SGCE: variants seen among roughly 807,000 people sequenced by gnomAD.
SGCE encodes the protein sarcoglycan epsilon.
SGCE carries 26 observed loss-of-function variants against 57.8 expected under a neutral mutation model. The ratio of observed to expected loss-of-function variants is 0.45; its 90% confidence interval spans 0.33 to 0.62. The LOEUF (loss-of-function observed/expected upper bound fraction) is 0.62. SGCE is among the 20% of genes least tolerant of loss of function. SGCE has a pLI of 0.02. For missense variants in SGCE, 468 were observed against 548.6 expected (o/e 0.85, Z 1.47); for synonymous variants, 183 against 189.5 (o/e 0.97, Z 0.28).
chr7:94,598,960 G>A lies in SGCE; in HGVS notation c.1068C>T (p.Ile356=). The A allele has an allele frequency of 6.2e-7, 1 of 1,612,612 alleles. No individual in the cohort carries two copies. The highest frequency in any genetic ancestry group is 1.1e-5 in the South Asian group (1 of 91,020). The change falls in exon 9 of 11, where the codon ATC becomes ATT. Residue 356 remains isoleucine, a synonymous_variant. Coordinates refer to ENST00000648936, the MANE Select transcript of SGCE (RefSeq NM_003919.3). ...GAATAGCACTGTGATGGACCAGTTG[G>A]ATGCTAGGTCAAAAAGAAATAAAAC... ...VEKRNMQTPD[I]QLVHHSAIQK...
chr7:94,623,072 G>A (rs1016587934), intron 4 of SGCE, among the ~76,000 whole-genome samples: 6 of 152,040 alleles, frequency 3.9e-5, no homozygotes, highest in Admixed American at 6.6e-5. Context: ...CCCATTTTAA[G>A]GTAATGAAAA....
chr7:94,645,185 A>G (rs1454421424), intron 1 of SGCE, among the ~76,000 whole-genome samples: 2 of 152,204 alleles, frequency 1.3e-5, no homozygotes, highest in East Asian at 3.8e-4. Flanking sequence ...TTGCTTAATA[A>G]TGGAGATACT....
intron 3 of SGCE, chr7:94,626,323 G>A (rs557305077): frequency 1.3e-5 from 2 of 151,992 alleles, no homozygotes; most frequent in Non-Finnish European, 2.9e-5. Flanking sequence ...AAATATTTAG[G>A]TCTTACTTAA....
At chr7:94,655,867 T>C (rs1483685880) in intron 1 of SGCE, 123 bp downstream of exon 1, 1 of 681,690 alleles carries the variant, frequency 1.5e-6, no homozygotes. Flanking sequence ...TACGGTGGGG[T>C]CCGGGACAGA....
intron 3 of SGCE, chr7:94,623,946 T>C (rs1181190099): frequency 2.7e-6 from 1 of 374,492 alleles, no homozygotes; most frequent in Non-Finnish European, 4.7e-6. Context: ...CCATGAAGCT[T>C]ATGGAACATG....
At chr7:94,632,272 T>C (rs1804834625) in intron 1 of SGCE, among the ~76,000 whole-genome samples, 1 of 151,974 alleles carries the variant, frequency 6.6e-6, no homozygotes, top group Non-Finnish European at 1.5e-5. Context: ...GGTCCTGAAG[T>C]GGAACCATTA....
chr7:94,595,653 T>A (rs928197408), intron 9 of SGCE, among the ~76,000 whole-genome samples: 4 of 152,142 alleles, frequency 2.6e-5, no homozygotes, highest in Non-Finnish European at 5.9e-5. Context: ...AATATTTGTG[T>A]GTGTCTACTC....
chr7:94,605,105 A>T (rs1799915840), intron 5 of SGCE, among the ~76,000 whole-genome samples: 1 of 151,918 alleles, frequency 6.6e-6, no homozygotes, highest in African/African-American at 2.4e-5. Flanking sequence ...CAAGAAAAAA[A>T]TTATAAAACA....
intron 10 of SGCE, chr7:94,587,030 TAACTA>T: frequency 1.0e-6 from 1 of 984,174 alleles, no homozygotes; most frequent in Non-Finnish European, 1.2e-6. Context: ...GCTCTAGTGT[TAACTA>T]AAAAGGAGAG....
At chr7:94,596,114 A>G (rs1375394142) in intron 9 of SGCE, among the ~76,000 whole-genome samples, 1 of 152,130 alleles carries the variant, frequency 6.6e-6, no homozygotes, top group Non-Finnish European at 1.5e-5. Context: ...TGCAAGTTCA[A>G]TATAATAGCC....
intron 1 of SGCE, 143 bp from the exon 2 acceptor site, chr7:94,629,984 T>A: frequency 1.1e-6 from 1 of 884,152 alleles, no homozygotes; most frequent in South Asian, 1.7e-5. Context: ...AGGAAACTGT[T>A]AATAACAATT....
chr7:94,608,511 A>G (rs1263634193), intron 5 of SGCE, among the ~76,000 whole-genome samples: 3 of 152,242 alleles, frequency 2.0e-5, no homozygotes, highest in Non-Finnish European at 2.9e-5. Flanking sequence ...AATTAATTAT[A>G]GATTCAATGT....
chr7:94,599,055 CT>C lies in SGCE; in HGVS notation c.1065-93del, dbSNP rs372266675. Reference sequence around the variant, plus strand: ...TGAAAAACTTATGAAGTATTTTTATCTTTTAAAATAATAAGACATTATGGCA... The same window carrying C: ...TGAAAAACTTATGAAGTATTTTTATCTTTAAAATAATAAGACATTATGGCA... On this transcript the variant is annotated intron_variant, in intron 8 of 10. Coordinates refer to ENST00000648936, the MANE Select transcript of SGCE (RefSeq NM_003919.3). The C allele has an allele frequency of 4.5e-3, 4,196 of 931,888 alleles. 29 individuals are homozygous for C. Among genetic ancestry groups the C allele is most frequent in the South Asian group, 8.6e-3 (547 of 63,284 alleles). The allele number at this position is 931,888 out of a possible 1,614,324, so 57.7% of individuals were successfully genotyped here.
Position 94,588,733 on chromosome 7 carries a change from C to T in SGCE, c.1254-1G>A. 6.2e-7 allele frequency: 1 copy of T among 1,612,992 alleles called. No homozygotes were observed. The highest frequency in any genetic ancestry group is 8.5e-7 in the Non-Finnish European group (1 of 1,179,184). ...AATCTGAGTCTGATGTGGCAAGTTC[C>T]TAGAAATGATGAACATTTTTGAGTA... On this transcript the variant is annotated splice_acceptor_variant, in intron 9 of 10. Coordinates refer to ENST00000648936, the MANE Select transcript of SGCE (RefSeq NM_003919.3). LOFTEE classifies it high-confidence loss of function.
intron 5 of SGCE, among the ~76,000 whole-genome samples, chr7:94,609,833 A>G (rs531302231): frequency 6.6e-6 from 1 of 152,314 alleles, no homozygotes; most frequent in Admixed American, 6.5e-5. Context: ...CTTTTACCAT[A>G]TGATCCAGCT....
rs1386682017 is a variant in SGCE, at chr7:94,656,068, C to T, written c.31G>A (p.Asp11Asn). ...CCCTGTCCCGTCCAAGCACAGGGGT[C>T]TCCCAGCTCCCACCACCGGGGCAAT... MQLPRWWELG[D>N]PCAWTGQGRG... Residue 11 changes from aspartate (D) to asparagine (N), a missense_variant, in exon 1 of 11, where the codon GAC becomes AAC. Physicochemically the swap from Asp to Asn is conservative, Grantham distance 23 (BLOSUM62 1). Transcript: ENST00000648936. 4 of 1,612,266 alleles carry T rather than the reference C, an allele frequency of 2.5e-6. No individual in the cohort carries two copies. The highest frequency in any genetic ancestry group is 1.1e-5 in the South Asian group (1 of 91,048).
At chr7:94,618,521 A>G (rs1022000405) in intron 5 of SGCE, 2 of 487,168 alleles carry the variant, frequency 4.1e-6, no homozygotes, top group African/African-American at 2.0e-5. Flanking sequence ...GCTATAATTT[A>G]TGATGCTGAT....
rs1253449584 is a variant in SGCE at position 94,640,174 on chromosome 7, T to A, written c.110-10333A>T. ...AGAAAAGTCAGTTTCAAGAGAAAGA[T>A]GATTAATTTGATTCAGGATATGTTA... On this transcript the variant is annotated intron_variant, in intron 1 of 10. Coordinates refer to ENST00000648936, the MANE Select transcript of SGCE (RefSeq NM_003919.3). Among the ~76,000 whole-genome samples the A allele has an allele frequency of 2.6e-5, 4 of 152,132 alleles. No homozygotes were observed. The South Asian group carries it at 8.3e-4, about 32-fold the overall frequency.
At chr7:94,618,398 AAG>A (rs1317408145) in intron 5 of SGCE, 1 of 181,356 alleles carries the variant, frequency 5.5e-6, no homozygotes, top group Non-Finnish European at 1.1e-5. Context: ...TCCTAGAATA[AAG>A]TTACAGCAGT....
Sources: gnomAD v4.1 joint callset for allele counts (sites outside exome capture counted in the v4.1 genomes callset) on GRCh38, gnomAD v4.1.1 for gene constraint, MANE v1.5 for transcripts, NCBI Gene and HGNC (gene_info 2026-07-23, HGNC 2026-07-21) for gene names.